The following GRID2 variants were observed in gnomAD, a reference collection of about 807,000 sequenced individuals.
GRID2 encodes the protein glutamate receptor ionotropic, delta-2.
In GRID2, 33 loss-of-function variants were observed where a neutral mutation model predicts 114.8. That is an observed-to-expected ratio of 0.29 (90% CI 0.22 to 0.38). GRID2 has a LOEUF of 0.38. Ranked by LOEUF, GRID2 falls within the 10% of genes least tolerant of loss-of-function variation. The pLI, the probability that GRID2 is intolerant of heterozygous loss-of-function variation, is 1.00. For missense variants in GRID2, 1,184 were observed against 1,257.7 expected, an observed-to-expected ratio of 0.94 and a Z score of 0.89; for synonymous variants, 505 against 449.9, an observed-to-expected ratio of 1.12 and a Z score of -1.55.
At chr4:92,374,803 G>A (rs990927866) in intron 1 of GRID2, among the ~76,000 whole-genome samples, 3 of 152,070 alleles carry the variant, frequency 2.0e-5, no homozygotes, top group African/African-American at 7.2e-5. Flanking sequence ...GTCAAGTGTA[G>A]GGAATAGACC....
intron 2 of GRID2, among the ~76,000 whole-genome samples, chr4:92,821,591 A>G (rs1177963175): frequency 1.3e-5 from 2 of 152,304 alleles, no homozygotes; most frequent in African/African-American, 4.8e-5. Flanking sequence ...TGATTCTACA[A>G]GCATTCCACA....
intron 8 of GRID2, among the ~76,000 whole-genome samples, chr4:93,354,819 T>G (rs1005636964): frequency 2.1e-5 from 3 of 145,498 alleles, no homozygotes; most frequent in Non-Finnish European, 4.5e-5. Flanking sequence ...AAATAAGATA[T>G]ATATATATAT....
At chr4:93,469,213 T>C (rs35363935) in intron 11 of GRID2, among the ~76,000 whole-genome samples, 191 of 152,248 alleles carry the variant, frequency 1.3e-3, no homozygotes, top group Non-Finnish European at 2.2e-3. Context: ...GCATTCTTAG[T>C]TTATTTTTTT....
At chr4:92,430,936 A>T (rs946532724) in intron 1 of GRID2, among the ~76,000 whole-genome samples, 6 of 152,030 alleles carry the variant, frequency 3.9e-5, no homozygotes, top group African/African-American at 1.4e-4. Context: ...ATGCTGCTGA[A>T]TTTTGTATGT....
At chr4:92,840,942 G>C (rs965492749) in intron 2 of GRID2, among the ~76,000 whole-genome samples, 2 of 151,998 alleles carry the variant, frequency 1.3e-5, no homozygotes, top group Non-Finnish European at 2.9e-5. Context: ...AAAGGCCTCA[G>C]ATTCTTTTCT....
At chr4:92,636,698 C>T (rs1731081787) in intron 2 of GRID2, among the ~76,000 whole-genome samples, 1 of 152,028 alleles carries the variant, frequency 6.6e-6, no homozygotes, top group Non-Finnish European at 1.5e-5. Flanking sequence ...GATAATGCAG[C>T]TCTGTAAAGT....
chr4:93,716,281 T>C (rs1728894469), intron 14 of GRID2, among the ~76,000 whole-genome samples: 2 of 152,224 alleles, frequency 1.3e-5, no homozygotes, highest in African/African-American at 2.4e-5. Flanking sequence ...GGGAAACAAC[T>C]ATCCTGAGCA....
At chr4:92,421,796 A>G (rs762001694) in intron 1 of GRID2, among the ~76,000 whole-genome samples, 19 of 152,080 alleles carry the variant, frequency 1.2e-4, no homozygotes, top group Non-Finnish European at 2.5e-4. Flanking sequence ...CTAATCCAGA[A>G]CTATACAAAG....
intron 13 of GRID2, among the ~76,000 whole-genome samples, chr4:93,588,020 T>C (rs1560783126): frequency 6.6e-6 from 1 of 152,134 alleles, no homozygotes; most frequent in East Asian, 1.9e-4. Flanking sequence ...TTATGGTTAG[T>C]CTAGAAACAA....
chr4:92,671,334 G>C (rs1479308238), intron 2 of GRID2, among the ~76,000 whole-genome samples: 1 of 151,864 alleles, frequency 6.6e-6, no homozygotes, highest in African/African-American at 2.4e-5. Flanking sequence ...CCAACACTTG[G>C]GATCACAATT....
At chr4:93,466,406 GTGT>G (rs1724275123) in intron 11 of GRID2, among the ~76,000 whole-genome samples, 1 of 152,202 alleles carries the variant, frequency 6.6e-6, no homozygotes, top group African/African-American at 2.4e-5. Context: ...TGAAGAGGCA[GTGT>G]TGTTACAGCT....
intron 2 of GRID2, among the ~76,000 whole-genome samples, chr4:92,996,722 A>G (rs1755222502): frequency 6.6e-6 from 1 of 152,190 alleles, no homozygotes; most frequent in Non-Finnish European, 1.5e-5. Flanking sequence ...GTCTGAAATG[A>G]TAGTGTACTT....
At chr4:93,306,136 C>G (rs1755398127) in intron 8 of GRID2, 2 of 152,106 alleles carry the variant, frequency 1.3e-5, no homozygotes, top group Non-Finnish European at 2.9e-5. Flanking sequence ...CACAGCAGAA[C>G]AACAACAAAA....
At chr4:93,488,638 C>G (rs1055804967) in intron 11 of GRID2, among the ~76,000 whole-genome samples, 4 of 151,754 alleles carry the variant, frequency 2.6e-5, no homozygotes, top group South Asian at 2.1e-4. Flanking sequence ...ATGTATTAGT[C>G]TAATAATATT....
At chr4:93,271,001 A>G (rs1424662243) in intron 8 of GRID2, among the ~76,000 whole-genome samples, 3 of 152,162 alleles carry the variant, frequency 2.0e-5, no homozygotes, top group African/African-American at 7.2e-5. Flanking sequence ...TGGAAAATTT[A>G]TGCATGATTG....
At chr4:92,820,869 G>A (rs772531488) in intron 2 of GRID2, among the ~76,000 whole-genome samples, 20 of 151,836 alleles carry the variant, frequency 1.3e-4, no homozygotes, top group Non-Finnish European at 2.6e-4. Flanking sequence ...CTATTCTCTT[G>A]TATCTGTATA....
chr4:92,874,523 C>A (rs968438548), intron 2 of GRID2, among the ~76,000 whole-genome samples: 21 of 152,254 alleles, frequency 1.4e-4, no homozygotes, highest in African/African-American at 4.3e-4. Flanking sequence ...ATGACTTTTA[C>A]AACACTATTT....
chr4:92,640,934 A>C (rs1731311125), intron 2 of GRID2, among the ~76,000 whole-genome samples: 1 of 151,924 alleles, frequency 6.6e-6, no homozygotes, highest in South Asian at 2.1e-4. Flanking sequence ...AATGTTATAA[A>C]TGCTATTAAG....
intron 2 of GRID2, chr4:92,823,034 A>C (rs1252771045): frequency 6.6e-6 from 1 of 152,190 alleles, no homozygotes; most frequent in South Asian, 2.1e-4. Context: ...TAAGCCAAGC[A>C]GGGAAATTTT....
Sources: allele counts gnomAD v4.1 joint callset (sites outside exome capture counted in the v4.1 genomes callset), GRCh38; gene constraint gnomAD v4.1.1; transcripts MANE v1.5; gene names NCBI Gene and HGNC (gene_info 2026-07-23, HGNC 2026-07-21).